Variants in GRM1 observed in about 807,000 individuals in gnomAD.
GRM1 encodes the protein glutamate metabotropic receptor 1.
In GRM1, 33 loss-of-function variants were observed where a neutral mutation model predicts 90.9. The observed-to-expected ratio is 0.36, with a 90% CI of 0.28 to 0.49. The LOEUF (loss-of-function observed/expected upper bound fraction) is 0.49, where lower values mean the gene tolerates loss of function less well. Ranked by LOEUF, GRM1 falls within the 20% of genes least tolerant of loss-of-function variation. GRM1 has a pLI of 0.99. For missense variants in GRM1, 1,190 were observed against 1,534.3 expected (o/e 0.78, Z 3.75); for synonymous variants, 700 against 613.2 (o/e 1.14, Z -2.09).
In GRM1 at chr6:146,209,050, G is replaced by C. The variant is rs114174210; in HGVS notation, c.950+49453G>C. On this transcript the variant is annotated intron_variant, in intron 2 of 7. Transcript: ENST00000282753. ...ATATCATATTTATTACTCTATTCCT[G>C]ACAGCAAACCTATAAATTAGTTATT... is the stretch of plus-strand genomic sequence containing the variant. 7.3e-4 allele frequency among the ~76,000 whole-genome samples: 111 copies of C among 151,824 alleles called. 1 individual carries two copies. The highest frequency in any genetic ancestry group is 2.6e-3 in the African/African-American group (107 of 41,420).
intron 2 of GRM1, among the ~76,000 whole-genome samples, chr6:146,202,212 A>G (rs902060506): frequency 6.6e-6 from 1 of 152,222 alleles, no homozygotes; most frequent in African/African-American, 2.4e-5. Flanking sequence ...CCCATGCCTT[A>G]TAATATGTTC....
At chr6:146,333,688 C>T (rs373107355) in intron 3 of GRM1, among the ~76,000 whole-genome samples, 2 of 152,144 alleles carry the variant, frequency 1.3e-5, no homozygotes, top group African/African-American at 4.8e-5. Context: ...ATCCAAGTAG[C>T]CTATAGATGG....
chr6:146,166,576 G>A (rs933693466), intron 2 of GRM1, among the ~76,000 whole-genome samples: 1 of 152,038 alleles, frequency 6.6e-6, no homozygotes, highest in Non-Finnish European at 1.5e-5. Context: ...TCCTGTGTTG[G>A]TGTCTTCTCC....
intron 1 of GRM1, among the ~76,000 whole-genome samples, chr6:146,118,775 C>A (rs375713588): frequency 3.3e-5 from 5 of 152,118 alleles, no homozygotes; most frequent in African/African-American, 7.2e-5. Context: ...TGAACTCATC[C>A]TTTTTTATGG....
intron 2 of GRM1, among the ~76,000 whole-genome samples, chr6:146,278,255 T>G: frequency 1.3e-5 from 2 of 152,270 alleles, no homozygotes; most frequent in South Asian, 4.1e-4. Flanking sequence ...CATAATCAGG[T>G]GATATAATAT....
intron 2 of GRM1, among the ~76,000 whole-genome samples, chr6:146,207,974 C>A (rs1779550761): frequency 6.6e-6 from 1 of 151,810 alleles, no homozygotes; most frequent in Non-Finnish European, 1.5e-5. Context: ...GAGATTTTTC[C>A]CTCCTTTCCC....
In GRM1 at chr6:146,267,675, G is replaced by GTCTC. The variant is rs1781954757; in HGVS notation, c.951-36936_951-36935insTCTC. 7.5e-4 allele frequency among the ~76,000 whole-genome samples: 77 copies of GTCTC among 103,256 alleles called. 3 individuals are homozygous for GTCTC. The highest frequency in any genetic ancestry group is 2.3e-3 in the African/African-American group (29 of 12,742). The allele number at this position is 103,256 out of a possible 152,430, so 67.7% of individuals were successfully genotyped here. ...GGGCTGGGCTGGGCTGGGCTGGGCT[G>GTCTC]GGCTGGGCTCGGCTCGGCTCGGCTC... On this transcript the variant is annotated intron_variant, in intron 2 of 7. Coordinates refer to ENST00000282753, the MANE Select transcript of GRM1 (RefSeq NM_001278064.2).
At chr6:146,265,611 T>C (rs1781854437) in intron 2 of GRM1, among the ~76,000 whole-genome samples, 1 of 152,214 alleles carries the variant, frequency 6.6e-6, no homozygotes, top group Non-Finnish European at 1.5e-5. Flanking sequence ...CCTAGGCCAA[T>C]GTCTAGAAGA....
At chr6:146,274,453 A>G (rs1286023573) in intron 2 of GRM1, among the ~76,000 whole-genome samples, 1 of 152,216 alleles carries the variant, frequency 6.6e-6, no homozygotes, top group African/African-American at 2.4e-5. Flanking sequence ...ATTTCATTGT[A>G]TACATAACAT....
At chr6:146,216,551 GA>G (rs1218991185) in intron 2 of GRM1, among the ~76,000 whole-genome samples, 1 of 152,096 alleles carries the variant, frequency 6.6e-6, no homozygotes, top group Non-Finnish European at 1.5e-5. Flanking sequence ...GCCTCCAGTG[GA>G]AAAATATCAT....
rs1275926782 is a variant in GRM1 at position 146,399,617 on chromosome 6, G to A, written c.2578G>A (p.Val860Ile). The A allele has an allele frequency of 6.2e-7, 1 of 1,614,082 alleles. No individual in the cohort carries two copies. The highest frequency in any genetic ancestry group is 8.5e-7 in the Non-Finnish European group (1 of 1,179,968). Residue 860 changes from valine to isoleucine, a missense_variant, in exon 7 of 8, where the codon GTT (valine) becomes ATT (isoleucine). This residue lies in a region of GRM1 where 73 missense variants were observed against 150.6 expected (regional missense o/e 0.48). Coordinates refer to ENST00000282753, the MANE Select transcript of GRM1 (RefSeq NM_001278064.2). The surrounding 1 kb of genome is among the most constrained non-coding windows in gnomAD (Gnocchi z 5.4). ...CACCTCTGATGTTGTCCGCATGCATGTTGGCGATGGCAAGCTGCCCTGCCG... is the reference window on the plus strand; with the variant it reads ...CACCTCTGATGTTGTCCGCATGCATATTGGCGATGGCAAGCTGCCCTGCCG... ...FTTSDVVRMH[V>I]GDGKLPCRSN...
intron 4 of GRM1, among the ~76,000 whole-genome samples, chr6:146,353,342 A>G (rs1785471041): frequency 6.6e-6 from 1 of 152,212 alleles, no homozygotes; most frequent in Non-Finnish European, 1.5e-5. Flanking sequence ...CCAGGGTCTT[A>G]TAGGCCCTGT....
intron 2 of GRM1, among the ~76,000 whole-genome samples, chr6:146,281,714 A>G (rs969695261): frequency 1.8e-4 from 27 of 152,198 alleles, no homozygotes; most frequent in African/African-American, 6.5e-4. Flanking sequence ...ACTTAATGTG[A>G]TGAAATAAAT....
chr6:146,391,089 G>A lies in GRM1; in HGVS notation c.1729+4073G>A, dbSNP rs370606533. Among the ~76,000 whole-genome samples the A allele has an allele frequency of 5.9e-5, 9 of 151,996 alleles. No homozygotes were observed. The South Asian group carries it at 1.0e-3, about 17-fold the overall frequency. The stretch of plus-strand genomic sequence containing the variant: ...CAAATGTTATGAATTACCTCAAGAC[G>A]CTTTGCATAGAGTTTTATTTCTTAA... On this transcript the variant is annotated intron_variant, in intron 6 of 7. Transcript: ENST00000282753.
intron 2 of GRM1, among the ~76,000 whole-genome samples, chr6:146,281,277 C>G (rs1007426092): frequency 6.6e-6 from 1 of 152,102 alleles, no homozygotes; most frequent in Admixed American, 6.6e-5. Context: ...ACTCAGGGAC[C>G]AGGATTCCAA....
In GRM1 at chr6:146,399,211, G is replaced by C. The variant is rs1000428099; in HGVS notation, c.2172G>C (p.Leu724=). 2 of 1,614,050 alleles carry C rather than the reference G, an allele frequency of 1.2e-6. No individual in the cohort carries two copies. Among genetic ancestry groups the C allele is most frequent in the African/African-American group, 1.3e-5 (1 of 75,002 alleles). The change falls in exon 7 of 8, where the codon CTG becomes CTC. Residue 724 remains leucine, a synonymous_variant. Transcript: ENST00000282753. This position sits in a 1 kb window ranked among gnomAD's most constrained non-coding sequence, Gnocchi z 5.4. ...TGCAACTAACCCTGGTGGTAACCCT[G>C]ATCATCATGGAACCCCCTATGCCCA... ...ISVQLTLVVT[L]IIMEPPMPIL...
At chr6:146,112,665 C>A (rs1775602479) in intron 1 of GRM1, among the ~76,000 whole-genome samples, 1 of 152,058 alleles carries the variant, frequency 6.6e-6, no homozygotes, top group Non-Finnish European at 1.5e-5. Flanking sequence ...TATATTTTTC[C>A]TTTGTATGTT....
At chr6:146,284,016 GTGTC>G (rs748112289) in intron 2 of GRM1, among the ~76,000 whole-genome samples, 4 of 152,152 alleles carry the variant, frequency 2.6e-5, no homozygotes, top group Non-Finnish European at 4.4e-5. Flanking sequence ...CAGATGTTCT[GTGTC>G]TGTCTATTTG....
intron 3 of GRM1, among the ~76,000 whole-genome samples, chr6:146,314,034 A>G (rs1052470683): frequency 7.7e-6 from 1 of 129,780 alleles, no homozygotes; most frequent in African/African-American, 2.9e-5. Flanking sequence ...TGCACTGTAT[A>G]TATCAATAGT....
Sources: gnomAD v4.1 joint callset for allele counts (sites outside exome capture counted in the v4.1 genomes callset) on GRCh38, gnomAD v4.1.1 for gene constraint, gnomAD v4.1.1 regional missense constraint, Gnocchi (gnomAD v3.1) non-coding constraint, MANE v1.5 for transcripts, NCBI Gene and HGNC (gene_info 2026-07-23, HGNC 2026-07-21) for gene names.